DIXDC1: variants seen among roughly 807,000 people sequenced by gnomAD.
DIXDC1 encodes the protein DIX domain containing 1, also known as dixin.
In DIXDC1, 64 loss-of-function variants were observed where a neutral mutation model predicts 103.1. The ratio of observed to expected loss-of-function variants is 0.62; its 90% CI spans 0.51 to 0.76. The LOEUF is 0.76. Ranked by LOEUF, DIXDC1 falls within the 30% of genes least tolerant of loss-of-function variation. The pLI, the probability that DIXDC1 is intolerant of heterozygous loss-of-function variation, is 0.00. For synonymous variants in DIXDC1, 266 were observed against 298.5 expected, an observed-to-expected ratio of 0.89 and a Z score of 1.12; for missense variants, 759 against 834.2, an observed-to-expected ratio of 0.91 and a Z score of 1.11.
intron 1 of DIXDC1, among the ~76,000 whole-genome samples, chr11:111,940,045 G>A (rs1966367229): frequency 6.6e-6 from 1 of 152,142 alleles, no homozygotes; most frequent in African/African-American, 2.4e-5. Context: ...CATTCTCTAT[G>A]GCAGAGAAAA....
chr11:112,007,467 A>G (rs1861271848), intron 17 of DIXDC1, among the ~76,000 whole-genome samples: 1 of 148,686 alleles, frequency 6.7e-6, no homozygotes, highest in South Asian at 2.2e-4. Context: ...CACCACAAAG[A>G]TACTCCTCAA....
intron 17 of DIXDC1, among the ~76,000 whole-genome samples, chr11:112,011,220 T>C (rs1257531908): frequency 2.0e-5 from 3 of 152,184 alleles, no homozygotes. Flanking sequence ...TCATCACTGG[T>C]CATCAGAGAA....
chr11:111,973,968 C>T, intron 3 of DIXDC1, 55 bp from the exon 4 acceptor site: 1 of 1,552,368 alleles, frequency 6.4e-7, no homozygotes, highest in South Asian at 1.2e-5. Flanking sequence ...TCAGCTTTTG[C>T]CTCCCTCTTA....
intron 1 of DIXDC1, among the ~76,000 whole-genome samples, chr11:111,949,291 G>A (rs1395357251): frequency 6.6e-6 from 1 of 152,026 alleles, no homozygotes; most frequent in Non-Finnish European, 1.5e-5. Context: ...ATACTCTGGT[G>A]TTCTACAAAT....
rs1860096202 is a variant in DIXDC1, at chr11:111,976,397, A to G, written c.656+1414A>G. Among the ~76,000 whole-genome samples the G allele has an allele frequency of 6.6e-6, 1 of 152,132 alleles. No homozygotes were observed. The highest frequency in any genetic ancestry group is 2.4e-5 in the African/African-American group (1 of 41,432). On this transcript the variant is annotated intron_variant, in intron 5 of 19. Transcript: ENST00000440460. The surrounding 1 kb of genome is among the most constrained non-coding windows in gnomAD (Gnocchi z 4.3). Reference sequence around the variant, plus strand: ...ATCAGGCTGCAGTGAGCTAATGGTGACAGTTTTCTAGGAGAGGGGCCAGAG... The same window carrying G: ...ATCAGGCTGCAGTGAGCTAATGGTGGCAGTTTTCTAGGAGAGGGGCCAGAG...
chr11:111,982,428 C>T lies in DIXDC1; in HGVS notation c.859C>T (p.Gln287Ter). ...ETSWEEQLLE[Q>*]QEYLEKEMEE... ...CTCATGGGAAGAACAGCTGTTGGAA[C>T]AACAAGAATATTTAGAAAAAGAAAT... The change falls in exon 7 of 20, where the codon CAA becomes TAA. Residue 287 changes from glutamine (Q) to a stop codon, truncating the protein, a stop_gained. Coordinates refer to ENST00000440460, the MANE Select transcript of DIXDC1 (RefSeq NM_001037954.4). LOFTEE classifies it high-confidence loss of function. The T allele has an allele frequency of 6.2e-7, 1 of 1,613,764 alleles. No individual in the cohort carries two copies. Among genetic ancestry groups the T allele is most frequent in the Non-Finnish European group, 8.5e-7 (1 of 1,179,806 alleles).
upstream of DIXDC1, among the ~76,000 whole-genome samples, chr11:111,933,691 C>CTCAA (rs1555167881): frequency 1.2e-4 from 13 of 111,782 alleles, no homozygotes; most frequent in African/African-American, 3.8e-4. Flanking sequence ...CTCTCTCTCT[C>CTCAA]AAAAAAAAAA....
At position 111,985,217 on chromosome 11, in the gene DIXDC1, T is replaced by A; in HGVS notation, c.919-15T>A. 3 of 1,607,720 alleles carry A rather than the reference T, an allele frequency of 1.9e-6. No individual in the cohort carries two copies. Among genetic ancestry groups the A allele is most frequent in the Non-Finnish European group, 2.6e-6 (3 of 1,175,118 alleles). ...AAGGAGAGTTAAGTTTCTTTCTGCC[T>A]TTGTGGTTATTCAGGCCTTACTGCT... On this transcript the variant is annotated splice_polypyrimidine_tract_variant and intron_variant, in intron 7 of 19. Coordinates refer to ENST00000440460, the MANE Select transcript of DIXDC1 (RefSeq NM_001037954.4).
Position 111,964,585 on chromosome 11 carries a change from C to T in DIXDC1, c.97C>T (p.Gln33Ter), listed in dbSNP as rs1555171325. The change falls in exon 2 of 20, where the codon CAG becomes TAG. Residue 33 changes from glutamine to a stop codon, truncating the protein, a stop_gained. Transcript: ENST00000440460. LOFTEE classifies it high-confidence loss of function. The stretch of plus-strand genomic sequence containing the variant: ...GGCCTATGTGGCCTGGGTGAATGCA[C>T]AGCTGAAGAAGAGGCCAGCAGTGAA... Reference protein sequence around the residue: ...LQAYVAWVNAQLKKRPAVKPV... With the variant: ...LQAYVAWVNA The T allele has an allele frequency of 1.9e-6, 3 of 1,609,518 alleles. No individual in the cohort carries two copies. The highest frequency in any genetic ancestry group is 2.5e-6 in the Non-Finnish European group (3 of 1,177,830).
chr11:111,962,203 C>T lies in DIXDC1; in HGVS notation c.61-2346C>T, dbSNP rs191309830. On this transcript the variant is annotated intron_variant, in intron 1 of 19. Coordinates refer to ENST00000440460, the MANE Select transcript of DIXDC1 (RefSeq NM_001037954.4). ...GAGACTTAAGAAGAGGCAGGTTGGC[C>T]GGGTGCGGTGGCTCATATCTGTAAT... is the stretch of plus-strand genomic sequence containing the variant. Among the ~76,000 whole-genome samples, 618 of 152,180 alleles carry T rather than the reference C, an allele frequency of 4.1e-3. 3 individuals carry two copies. The highest frequency in any genetic ancestry group is 6.5e-3 in the Non-Finnish European group (445 of 67,996).
At chr11:111,937,141 GT>G (rs1438712169), upstream of DIXDC1, 5,266 of 751,836 alleles carry the variant, frequency 7.0e-3, 81 homozygotes, top group Middle Eastern at 0.022. Context: ...CGGGGGGGGG[GT>G]GTGCGCGTGC....
rs1861716856 is a variant in DIXDC1 at position 112,020,239 on chromosome 11, C to T, written c.*1203C>T. Reference sequence around the variant, plus strand: ...GTTTTCTCATTCATCCATCAAGCACCATCAACCAGTCAGCCATTATTATTT... The same window carrying T: ...GTTTTCTCATTCATCCATCAAGCACTATCAACCAGTCAGCCATTATTATTT... On this transcript the variant is annotated 3_prime_UTR_variant, in exon 20 of 20. Coordinates refer to ENST00000440460, the MANE Select transcript of DIXDC1 (RefSeq NM_001037954.4). 1 of 152,538 alleles carries T rather than the reference C, an allele frequency of 6.6e-6. No homozygotes were observed. The highest frequency in any genetic ancestry group is 1.9e-4 in the East Asian group (1 of 5,196). 9.4% of individuals were successfully genotyped at this position (152,538 alleles called of 1,614,324 possible). A position where few individuals can be genotyped will look rare whatever the true frequency, so the allele number is the denominator to read the frequency against.
chr11:111,948,923 A>G (rs1243115723), intron 1 of DIXDC1, among the ~76,000 whole-genome samples: 1 of 151,924 alleles, frequency 6.6e-6, no homozygotes, highest in Non-Finnish European at 1.5e-5. Flanking sequence ...TAACTCTTAG[A>G]GCTCACCTTA....
chr11:112,017,973 C>A lies in DIXDC1; in HGVS notation c.1971+88C>A. The A allele has an allele frequency of 9.8e-7, 1 of 1,025,444 alleles. No individual in the cohort carries two copies. The highest frequency in any genetic ancestry group is 1.4e-6 in the Non-Finnish European group (1 of 693,416). 63.5% of individuals were successfully genotyped at this position (1,025,444 alleles called of 1,614,324 possible). ...GTTCAAGCACTAGTGTCCAGAAGTA[C>A]ATGAGTTCCCTGACTAGGTCAGAAG... On this transcript the variant is annotated intron_variant, in intron 19 of 19. Transcript: ENST00000440460. The surrounding 1 kb of genome is among the most constrained non-coding windows in gnomAD (Gnocchi z 4.0).
chr11:112,018,271 T>C (rs1372666722), intron 19 of DIXDC1, among the ~76,000 whole-genome samples: 1 of 152,244 alleles, frequency 6.6e-6, no homozygotes, highest in Non-Finnish European at 1.5e-5. Context: ...TTTCTCATAA[T>C]GAAATCAAGG....
upstream of DIXDC1, among the ~76,000 whole-genome samples, chr11:111,933,996 T>C (rs1294356114): frequency 6.6e-6 from 1 of 152,262 alleles, no homozygotes; most frequent in Non-Finnish European, 1.5e-5. Flanking sequence ...CACTGGCTCA[T>C]TCATTCCTTC....
intron 7 of DIXDC1, among the ~76,000 whole-genome samples, chr11:111,983,133 G>C (rs1287378651): frequency 6.6e-6 from 1 of 152,176 alleles, no homozygotes; most frequent in Non-Finnish European, 1.5e-5. Context: ...GTCTCTGTTT[G>C]GGGGAGCGCT....
chr11:111,929,973 T>C (rs1051390332), intron 2 of DIXDC1: 2 of 1,415,122 alleles, frequency 1.4e-6, no homozygotes, highest in South Asian at 2.5e-5. Context: ...AATACAGTTC[T>C]ACTTCTGGGG....
chr11:111,996,562 G>T (rs941126746), intron 17 of DIXDC1, among the ~76,000 whole-genome samples: 1 of 152,136 alleles, frequency 6.6e-6, no homozygotes, highest in Non-Finnish European at 1.5e-5. Context: ...AAAACTTTGA[G>T]TGCTCAGGCC....
Sources: allele counts gnomAD v4.1 joint callset (sites outside exome capture counted in the v4.1 genomes callset), GRCh38; gene constraint gnomAD v4.1.1; non-coding constraint Gnocchi (gnomAD v3.1); transcripts MANE v1.5; gene names NCBI Gene and HGNC (gene_info 2026-07-23, HGNC 2026-07-21).